C10orf67: variants seen among roughly 807,000 people sequenced by gnomAD.
C10orf67 encodes uncharacterized protein C10orf67, mitochondrial.
In C10orf67, 60 loss-of-function variants were observed where a neutral mutation model predicts 35.6. That is an observed-to-expected ratio of 1.68 (90% CI 1.37 to 2.09). C10orf67 has a LOEUF of 2.09. C10orf67 is among the 30% of genes most tolerant of loss of function. C10orf67 has a pLI of 0.00. For missense variants in C10orf67, 474 were observed against 330.2 expected (o/e 1.44, Z -3.38); for synonymous variants, 167 against 115.8 (o/e 1.44, Z -2.84).
At chr10:23,299,001 T>A (rs1203068562) in intron 5 of C10orf67, among the ~76,000 whole-genome samples, 1 of 152,116 alleles carries the variant, frequency 6.6e-6, no homozygotes, top group Non-Finnish European at 1.5e-5. Context: ...GTTTGAAGGA[T>A]CTTCAAAGGC....
chr10:23,342,592 C>T (rs1845943931), intron 1 of C10orf67, among the ~76,000 whole-genome samples: 1 of 152,184 alleles, frequency 6.6e-6, no homozygotes, highest in African/African-American at 2.4e-5. Flanking sequence ...GCTACCCCAC[C>T]ATGGAATGCC....
At chr10:23,255,369 T>C (rs7904764) in intron 10 of C10orf67, among the ~76,000 whole-genome samples, 90,671 of 152,146 alleles carry the variant, frequency 0.6, 28,033 homozygotes, top group East Asian at 0.88. Flanking sequence ...AAAGGTGCCA[T>C]TCCATGTTTG....
intron 4 of C10orf67, among the ~76,000 whole-genome samples, chr10:23,314,539 C>T (rs1043825952): frequency 7.9e-5 from 12 of 151,238 alleles, no homozygotes; most frequent in Admixed American, 7.3e-4. Flanking sequence ...AACTTATTAT[C>T]TCACAGTTTC....
intron 8 of C10orf67, among the ~76,000 whole-genome samples, chr10:23,271,051 A>T (rs1843003966): frequency 6.6e-6 from 1 of 152,204 alleles, no homozygotes; most frequent in Non-Finnish European, 1.5e-5. Context: ...AGAAACACAT[A>T]TGCTCAAAAT....
chr10:23,331,108 C>T (rs944321575), intron 2 of C10orf67, among the ~76,000 whole-genome samples: 2 of 23,306 alleles, frequency 8.6e-5, no homozygotes, highest in African/African-American at 7.2e-4. Flanking sequence ...GGGACTGGGA[C>T]GGGAACCAGG....
At chr10:23,301,172 C>T (rs1435078967) in intron 5 of C10orf67, among the ~76,000 whole-genome samples, 6 of 152,164 alleles carry the variant, frequency 3.9e-5, no homozygotes, top group South Asian at 2.1e-4. Flanking sequence ...CACGCATGGG[C>T]GACTGTTGAG....
chr10:23,204,025 C>T lies in C10orf67; in HGVS notation c.*148G>A. ...CATTGAGGTCTATTCGAGCGCAGTG[C>T]TGGTTAATATACATAATCTGGAGAG... On this transcript the variant is annotated 3_prime_UTR_variant, in exon 16 of 16. Coordinates refer to ENST00000636213, the MANE Select transcript of C10orf67 (RefSeq NM_001371909.1). 2.5e-6 allele frequency: 1 copy of T among 395,104 alleles called. No homozygotes were observed. Among genetic ancestry groups the T allele is most frequent in the Middle Eastern group, 6.4e-4 (1 of 1,570 alleles). 24.5% of individuals were successfully genotyped at this position (395,104 alleles called of 1,614,324 possible).
chr10:23,267,717 C>G (rs1366539784), intron 8 of C10orf67, among the ~76,000 whole-genome samples: 1 of 151,804 alleles, frequency 6.6e-6, no homozygotes, highest in Non-Finnish European at 1.5e-5. Flanking sequence ...CCAGCCTGGC[C>G]AACATGGTGA....
At chr10:23,270,897 C>T (rs1049784603) in intron 8 of C10orf67, among the ~76,000 whole-genome samples, 2 of 152,220 alleles carry the variant, frequency 1.3e-5, no homozygotes, top group Non-Finnish European at 2.9e-5. Flanking sequence ...GCAGGAATTT[C>T]AGCAACTCCA....
chr10:23,262,630 A>G (rs1030434096), intron 10 of C10orf67, among the ~76,000 whole-genome samples: 1 of 152,232 alleles, frequency 6.6e-6, no homozygotes, highest in African/African-American at 2.4e-5. Context: ...AACAAAATCA[A>G]TAAGAGCACA....
rs185554224 is a variant in C10orf67, at chr10:23,282,284, G to T, written c.910-206C>A. Among the ~76,000 whole-genome samples, 159 of 152,148 alleles carry T rather than the reference G, an allele frequency of 1.0e-3. 2 individuals are homozygous for T. The highest frequency in any genetic ancestry group is 3.1e-3 in the Admixed American group (48 of 15,288). On this transcript the variant is annotated intron_variant, in intron 7 of 15. Coordinates refer to ENST00000636213, the MANE Select transcript of C10orf67 (RefSeq NM_001371909.1). ...AAGTAAAATATACACAGAAAATACC[G>T]ATTTATTTACACCTTTTCTCACCCC... is the stretch of plus-strand genomic sequence containing the variant.
intron 10 of C10orf67, among the ~76,000 whole-genome samples, chr10:23,260,723 G>C (rs762412255): frequency 3.3e-5 from 5 of 152,116 alleles, no homozygotes; most frequent in Admixed American, 6.5e-5. Flanking sequence ...TTTCCCACCA[G>C]AGGTTCCTAT....
At chr10:23,208,716 T>G (rs1841224434) in intron 15 of C10orf67, among the ~76,000 whole-genome samples, 2 of 152,236 alleles carry the variant, frequency 1.3e-5, no homozygotes, top group Admixed American at 1.3e-4. Context: ...TGTGTTCCAC[T>G]TGTTATCCAC....
intron 4 of C10orf67, among the ~76,000 whole-genome samples, chr10:23,306,706 C>T (rs913189408): frequency 6.6e-6 from 1 of 151,996 alleles, no homozygotes; most frequent in Admixed American, 6.6e-5. Flanking sequence ...TTGAAATTTG[C>T]CAAGAGAGCA....
intron 1 of C10orf67, among the ~76,000 whole-genome samples, chr10:23,338,565 C>T (rs7069638): frequency 0.03 from 4,493 of 152,248 alleles, 209 homozygotes; most frequent in African/African-American, 0.1. Flanking sequence ...TCCATCATCA[C>T]GGTATTCTCA....
intron 5 of C10orf67, among the ~76,000 whole-genome samples, chr10:23,295,735 T>C (rs1250698089): frequency 1.3e-5 from 2 of 152,194 alleles, no homozygotes; most frequent in Non-Finnish European, 2.9e-5. Flanking sequence ...ATTAAATTGT[T>C]TTCTTCAAAA....
At chr10:23,206,963 T>C (rs976714351) in intron 15 of C10orf67, among the ~76,000 whole-genome samples, 2 of 152,224 alleles carry the variant, frequency 1.3e-5, no homozygotes, top group African/African-American at 4.8e-5. Flanking sequence ...AAGCAGAATC[T>C]ATCTTAAATG....
chr10:23,221,038 T>C (rs1275607581), intron 15 of C10orf67, among the ~76,000 whole-genome samples: 1 of 152,204 alleles, frequency 6.6e-6, no homozygotes, highest in Non-Finnish European at 1.5e-5. Flanking sequence ...CCTTATGTTT[T>C]ATGTACCTGT....
At chr10:23,235,012 C>CAAAAAAAAAAAAAAAAAAAAAGAAAA (rs57049730) in intron 13 of C10orf67, among the ~76,000 whole-genome samples, 2 of 76,048 alleles carry the variant, frequency 2.6e-5, no homozygotes, top group African/African-American at 4.9e-5. Flanking sequence ...AATTCCATCT[C>CAAAAAAAAAAAAAAAAAAAAAGAAAA]AAAAAAAAAA....
Sources: allele counts gnomAD v4.1 joint callset (sites outside exome capture counted in the v4.1 genomes callset), GRCh38; gene constraint gnomAD v4.1.1; transcripts MANE v1.5; gene names NCBI Gene and HGNC (gene_info 2026-07-23, HGNC 2026-07-21).